NFKBIZ: variants seen among roughly 807,000 people sequenced by gnomAD.
NFKBIZ encodes NFKB inhibitor zeta, also known as NF-kappa-B inhibitor zeta.
Under a neutral mutation model 76.8 loss-of-function variants are expected in NFKBIZ, and 19 were observed. That is an observed-to-expected ratio of 0.25 (90% CI 0.17 to 0.36). The LOEUF (loss-of-function observed/expected upper bound fraction) is 0.36. Among genes scored for constraint, NFKBIZ ranks in the 10% least tolerant of loss-of-function variants. NFKBIZ has a pLI of 1.00. For missense variants in NFKBIZ, 829 were observed against 910.9 expected (o/e 0.91, Z 1.16); for synonymous variants, 368 against 354.8 (o/e 1.04, Z -0.42).
intron 2 of NFKBIZ, among the ~76,000 whole-genome samples, chr3:101,839,034 T>C (rs189298611): frequency 2.0e-5 from 3 of 152,310 alleles, no homozygotes; most frequent in African/African-American, 7.2e-5. Flanking sequence ...AGTATTATTA[T>C]ATTATGGATC....
chr3:101,832,194 C>T (rs1942656136), intron 2 of NFKBIZ, among the ~76,000 whole-genome samples: 1 of 152,066 alleles, frequency 6.6e-6, no homozygotes, highest in South Asian at 2.1e-4. Flanking sequence ...CCACCTTGGA[C>T]CCCAAAGTGC....
At chr3:101,831,810 T>C (rs897364655) in intron 2 of NFKBIZ, among the ~76,000 whole-genome samples, 1 of 152,018 alleles carries the variant, frequency 6.6e-6, no homozygotes, top group Non-Finnish European at 1.5e-5. Flanking sequence ...CCAACTAATT[T>C]TTGTATTTTT....
chr3:101,858,018 C>G, intron 11 of NFKBIZ: 1 of 832,460 alleles, frequency 1.2e-6, no homozygotes, highest in Non-Finnish European at 1.4e-6. Context: ...CTTTACTCAT[C>G]AAATATGGTT....
intron 2 of NFKBIZ, among the ~76,000 whole-genome samples, chr3:101,832,729 C>T (rs1278597888): frequency 6.6e-6 from 1 of 152,172 alleles, no homozygotes; most frequent in Non-Finnish European, 1.5e-5. Flanking sequence ...TGTCCATGGA[C>T]ACTTGGATTG....
At chr3:101,854,718 G>A in intron 6 of NFKBIZ, 35 bp downstream of exon 6, 1 of 1,449,178 alleles carries the variant, frequency 6.9e-7, no homozygotes, top group Non-Finnish European at 9.7e-7. Flanking sequence ...ATGGCAAAGA[G>A]GGGGTCATGG....
At chr3:101,850,738 C>G (rs1942943522) in intron 1 of NFKBIZ, among the ~76,000 whole-genome samples, 1 of 152,208 alleles carries the variant, frequency 6.6e-6, no homozygotes, top group African/African-American at 2.4e-5. Context: ...GTGTTTCCCA[C>G]TCTTAGCCAC....
chr3:101,830,327 T>A (rs1026134410), intron 2 of NFKBIZ, among the ~76,000 whole-genome samples: 2 of 152,202 alleles, frequency 1.3e-5, no homozygotes, highest in Non-Finnish European at 2.9e-5. Context: ...ATTTATTTAT[T>A]TTTGTAACTT....
chr3:101,858,418 C>T, intron 11 of NFKBIZ: 1 of 985,302 alleles, frequency 1.0e-6, no homozygotes, highest in Non-Finnish European at 1.2e-6. Context: ...AGGACCAGAA[C>T]CATCATTAAC....
rs1942912035 is a variant in NFKBIZ at position 101,849,524 on chromosome 3, G to A, written c.-105G>A. The A allele has an allele frequency of 3.8e-6, 4 of 1,039,200 alleles. No individual in the cohort carries two copies. Among genetic ancestry groups the A allele is most frequent in the African/African-American group, 1.7e-5 (1 of 59,166 alleles). The allele number at this position is 1,039,200 out of a possible 1,614,324, so 64.4% of individuals were successfully genotyped here. The stretch of plus-strand genomic sequence containing the variant: ...TCCCGCGCCGCGCCCGTACTGGCCC[G>A]CGCCGTCCGCCCGCCGACAGCTCCC... On this transcript the variant is annotated 5_prime_UTR_variant, in exon 1 of 12. Coordinates refer to ENST00000326172, the MANE Select transcript of NFKBIZ (RefSeq NM_031419.4).
chr3:101,841,718 T>C (rs1392396879), intron 2 of NFKBIZ, among the ~76,000 whole-genome samples: 2 of 152,198 alleles, frequency 1.3e-5, no homozygotes, highest in Non-Finnish European at 2.9e-5. Flanking sequence ...TAAGATGATA[T>C]CTGTTTTGAA....
chr3:101,831,462 G>C (rs200602506), intron 2 of NFKBIZ, among the ~76,000 whole-genome samples: 1 of 152,228 alleles, frequency 6.6e-6, no homozygotes, highest in South Asian at 2.1e-4. Flanking sequence ...TCTGTGGTTT[G>C]TTGTCTTTTT....
upstream of NFKBIZ, among the ~76,000 whole-genome samples, chr3:101,847,317 C>G (rs1349120954): frequency 6.6e-6 from 1 of 152,202 alleles, no homozygotes; most frequent in Non-Finnish European, 1.5e-5. Context: ...TTACTGAAGT[C>G]TTGTGTTTTC....
At chr3:101,851,300 C>T (rs1343899231) in intron 1 of NFKBIZ, among the ~76,000 whole-genome samples, 2 of 152,132 alleles carry the variant, frequency 1.3e-5, no homozygotes, top group African/African-American at 4.8e-5. Context: ...ACTTGTATAC[C>T]AAATGCTAAA....
At position 101,860,534 on chromosome 3, in the gene NFKBIZ, A is replaced by G. The variant is rs1943116926; in HGVS notation, c.*1163A>G. On this transcript the variant is annotated 3_prime_UTR_variant, in exon 12 of 12. Coordinates refer to ENST00000326172, the MANE Select transcript of NFKBIZ (RefSeq NM_031419.4). The stretch of plus-strand genomic sequence containing the variant: ...GCTTACCCTCTAGAATTTCTAATTT[A>G]TGTGTTCTGTTGAAATTTTTGTTTT... 6.6e-6 allele frequency: 1 copy of G among 152,108 alleles called. No homozygotes were observed. Among genetic ancestry groups the G allele is most frequent in the Non-Finnish European group, 1.5e-5 (1 of 68,000 alleles). The allele number at this position is 152,108 out of a possible 1,614,324, so 9.4% of individuals were successfully genotyped here. A position where few individuals can be genotyped will look rare whatever the true frequency, so the allele number is the denominator to read the frequency against.
Position 101,852,752 on chromosome 3 carries a change from CAT to C in NFKBIZ, c.446_447del (p.Ile149ArgfsTer24), listed in dbSNP as rs1471326352. 1 of 1,610,588 alleles carries C rather than the reference CAT, an allele frequency of 6.2e-7. No individual in the cohort carries two copies. The highest frequency in any genetic ancestry group is 1.3e-5 in the African/African-American group (1 of 74,558). ...VDDFKTQGVNIEQFRELKNTV... is the reference protein window; with the variant it reads ...VDDFKTQGVNXEQFRELKNTV... The stretch of plus-strand genomic sequence containing the variant: ...TTTCTTTATAGACACAAGGTGTGAA[CAT>C]AGAACAGTTCAGAGGTAAGAGTTAC... On this transcript the variant is annotated frameshift_variant, in exon 3 of 12. Coordinates refer to ENST00000326172, the MANE Select transcript of NFKBIZ (RefSeq NM_031419.4). LOFTEE classifies it high-confidence loss of function.
chr3:101,843,009 A>C, intron 2 of NFKBIZ, among the ~76,000 whole-genome samples: 1 of 143,480 alleles, frequency 7.0e-6, no homozygotes, highest in East Asian at 2.0e-4. Context: ...ATTTTTAAAA[A>C]CTGTATTTTC....
At chr3:101,847,221 T>A (rs1576811671), upstream of NFKBIZ, among the ~76,000 whole-genome samples, 1 of 152,230 alleles carries the variant, frequency 6.6e-6, no homozygotes, top group Non-Finnish European at 1.5e-5. Flanking sequence ...CTTAATCCAG[T>A]CGAATTGACA....
At chr3:101,835,101 C>T (rs1942700883) in intron 2 of NFKBIZ, among the ~76,000 whole-genome samples, 1 of 152,218 alleles carries the variant, frequency 6.6e-6, no homozygotes, top group Non-Finnish European at 1.5e-5. Flanking sequence ...TGCTAGGCAT[C>T]TCATGACACT....
chr3:101,834,384 C>G (rs1354077623), intron 2 of NFKBIZ, among the ~76,000 whole-genome samples: 2 of 151,172 alleles, frequency 1.3e-5, no homozygotes, highest in East Asian at 1.9e-4. Flanking sequence ...GCTTTCCTTT[C>G]CTGTCTCACT....
Sources: gnomAD v4.1 joint callset for allele counts (sites outside exome capture counted in the v4.1 genomes callset) on GRCh38, gnomAD v4.1.1 for gene constraint, MANE v1.5 for transcripts, NCBI Gene and HGNC (gene_info 2026-07-23, HGNC 2026-07-21) for gene names.